The following BST1 variants were observed in gnomAD, a reference collection of about 807,000 sequenced individuals.
BST1 encodes the protein bone marrow stromal cell antigen 1.
In BST1, 49 loss-of-function variants were observed where a neutral mutation model predicts 40.6. That is an observed-to-expected ratio of 1.21 (90% CI 0.96 to 1.53). The LOEUF (loss-of-function observed/expected upper bound fraction) is 1.53, where lower values mean the gene tolerates loss of function less well. Among genes scored for constraint, BST1 ranks in the 40% most tolerant of loss-of-function variants. BST1 has a pLI of 0.00. For missense variants in BST1, 423 were observed against 395.9 expected (o/e 1.07, Z -0.58); for synonymous variants, 157 against 159.3 (o/e 0.99, Z 0.11).
the BST1 span, among the ~76,000 whole-genome samples, chr4:15,763,021 A>G: frequency 6.6e-6 from 1 of 151,980 alleles, no homozygotes; most frequent in African/African-American, 2.4e-5. Context: ...AATGAACATG[A>G]GGTTATTTTC....
intron 8 of BST1, chr4:15,723,621 C>T (rs1027145273): frequency 3.0e-6 from 3 of 983,978 alleles, no homozygotes; most frequent in Non-Finnish European, 3.6e-6. Context: ...AGTTGTTTTG[C>T]TATTATAAAC....
intron 8 of BST1, among the ~76,000 whole-genome samples, chr4:15,725,911 G>A (rs1325135945): frequency 8.3e-6 from 1 of 120,448 alleles, no homozygotes; most frequent in Non-Finnish European, 1.8e-5. Context: ...TTTTTATAGT[G>A]TTTATCTTCT....
chr4:15,718,847 AC>A (rs1720651905), intron 6 of BST1, 59 bp from the exon 7 acceptor site: 2 of 1,451,556 alleles, frequency 1.4e-6, no homozygotes, highest in South Asian at 1.2e-5. Context: ...TAACCCAGAA[AC>A]AACTTCCTCT....
chr4:15,712,806 A>T (rs1720291987), intron 4 of BST1, among the ~76,000 whole-genome samples: 1 of 152,208 alleles, frequency 6.6e-6, no homozygotes, highest in Admixed American at 6.5e-5. Flanking sequence ...ATTTGCTCCC[A>T]CTACCTGTAG....
At chr4:15,736,149 A>C (rs1721554829), downstream of BST1, 1 of 1,284,342 alleles carries the variant, frequency 7.8e-7, no homozygotes, top group Admixed American at 2.3e-5. Flanking sequence ...ATGGGTTTCA[A>C]ACATATCATT....
At chr4:15,731,081 T>C in intron 8 of BST1, 1 of 479,808 alleles carries the variant, frequency 2.1e-6, no homozygotes. Flanking sequence ...GGCAGGTGAC[T>C]GTTACACACA....
chr4:15,714,394 C>G (rs771769623), intron 4 of BST1, among the ~76,000 whole-genome samples: 4 of 152,210 alleles, frequency 2.6e-5, no homozygotes, highest in Middle Eastern at 3.4e-3. Flanking sequence ...CCTGTCTCAC[C>G]CTTGGGAATT....
Position 15,722,910 on chromosome 4 carries a change from C to A in BST1, c.827C>A (p.Thr276Asn), listed in dbSNP as rs376250506. ...VKLLQCVDHS[T>N]HPDCALKSAA... is the part of the protein sequence containing the mutation. ...CTCTTACAGTGCGTGGACCACAGCA[C>A]CCATCCTGACTGTGCCTTAAAGTCG... The change falls in exon 8 of 9, where the codon ACC (threonine) becomes AAC (asparagine). Residue 276 changes from threonine (T) to asparagine (N), a missense_variant. Physicochemically the swap from Thr to Asn is moderately conservative, Grantham distance 65 (BLOSUM62 0). Coordinates refer to ENST00000265016, the MANE Select transcript of BST1 (RefSeq NM_004334.3). The A allele has an allele frequency of 1.4e-5, 23 of 1,613,790 alleles. No individual in the cohort carries two copies. The African/African-American group carries it at 2.7e-4, about 19-fold the overall frequency.
At chr4:15,755,247 T>C in the BST1 span, among the ~76,000 whole-genome samples, 2 of 152,318 alleles carry the variant, frequency 1.3e-5, 1 homozygote. Context: ...CAAGTGATTC[T>C]CCTGCCTCGG....
At chr4:15,754,815 C>T in the BST1 span, among the ~76,000 whole-genome samples, 3 of 152,172 alleles carry the variant, frequency 2.0e-5, no homozygotes, top group Non-Finnish European at 2.9e-5. Context: ...ACTCCTGTCC[C>T]CTGTTCTGGT....
In BST1 at chr4:15,713,939, G is replaced by C. The variant is rs1720364616; in HGVS notation, c.535-1346G>C. Among the ~76,000 whole-genome samples the C allele has an allele frequency of 2.0e-5, 3 of 152,118 alleles. No individual in the cohort carries two copies. In the South Asian group the frequency reaches 6.2e-4, roughly 32 times the overall value. ...GACTGGTCGCAAACTCCTGACCCCA[G>C]GTGATCTGCCCACCTCAGTCTCCCA... On this transcript the variant is annotated intron_variant, in intron 4 of 8. Coordinates refer to ENST00000265016, the MANE Select transcript of BST1 (RefSeq NM_004334.3).
chr4:15,748,285 C>T, the BST1 span, among the ~76,000 whole-genome samples: 5 of 152,102 alleles, frequency 3.3e-5, no homozygotes, highest in Non-Finnish European at 7.4e-5. Context: ...AGCATGGTGC[C>T]GATACTGAAG....
the BST1 span, among the ~76,000 whole-genome samples, chr4:15,771,965 A>G: frequency 6.6e-6 from 1 of 151,990 alleles, no homozygotes; most frequent in African/African-American, 2.4e-5. Flanking sequence ...CAGGTACACA[A>G]CAGGATATGT....
the BST1 span, among the ~76,000 whole-genome samples, chr4:15,769,563 A>G: frequency 2.0e-5 from 3 of 152,164 alleles, no homozygotes; most frequent in African/African-American, 7.2e-5. Context: ...GTGGGGGTGG[A>G]GAGCTGGTAT....
intron 8 of BST1, chr4:15,723,726 A>C: frequency 1.5e-6 from 1 of 648,190 alleles, no homozygotes; most frequent in Non-Finnish European, 1.9e-6. Flanking sequence ...TGAGTCAAAG[A>C]ATGTGTGTGT....
chr4:15,709,889 A>C (rs987645962), intron 3 of BST1, among the ~76,000 whole-genome samples: 1 of 152,184 alleles, frequency 6.6e-6, no homozygotes, highest in Non-Finnish European at 1.5e-5. Context: ...GTAAATAAAC[A>C]CAGAAAAAAG....
the BST1 span, among the ~76,000 whole-genome samples, chr4:15,745,235 T>C: frequency 2.6e-5 from 4 of 152,212 alleles, no homozygotes; most frequent in African/African-American, 9.6e-5. Flanking sequence ...TACTGTATCA[T>C]ATAAAATTAC....
the BST1 span, among the ~76,000 whole-genome samples, chr4:15,751,257 G>A: frequency 6.6e-6 from 1 of 152,154 alleles, no homozygotes; most frequent in Non-Finnish European, 1.5e-5. Context: ...AGTCTGTGCG[G>A]TGGTTAGGCC....
At chr4:15,714,937 G>C (rs1720426016) in intron 4 of BST1, among the ~76,000 whole-genome samples, 1 of 152,220 alleles carries the variant, frequency 6.6e-6, no homozygotes, top group African/African-American at 2.4e-5. Context: ...TAAACATGTA[G>C]TGTGAGCATG....
Sources: gnomAD v4.1 joint callset for allele counts (sites outside exome capture counted in the v4.1 genomes callset) on GRCh38, gnomAD v4.1.1 for gene constraint, MANE v1.5 for transcripts, NCBI Gene and HGNC (gene_info 2026-07-23, HGNC 2026-07-21) for gene names.